PDE7B: variants seen among roughly 807,000 people sequenced by gnomAD.
PDE7B encodes phosphodiesterase 7B, also known as 3',5'-cyclic-AMP phosphodiesterase 7B.
PDE7B carries 29 observed loss-of-function variants against 56.2 expected under a neutral mutation model. The ratio of observed to expected loss-of-function variants is 0.52; its 90% CI spans 0.38 to 0.70. The LOEUF (loss-of-function observed/expected upper bound fraction) is 0.70, where lower values mean the gene tolerates loss of function less well. Among genes scored for constraint, PDE7B ranks in the 30% least tolerant of loss-of-function variants. The pLI is 0.00. For missense variants in PDE7B, 490 were observed against 565.0 expected, an observed-to-expected ratio of 0.87 and a Z score of 1.35; for synonymous variants, 197 against 196.9, an observed-to-expected ratio of 1.00 and a Z score of 0.00.
At chr6:135,998,686 G>A (rs1411769121) in intron 2 of PDE7B, among the ~76,000 whole-genome samples, 4 of 151,962 alleles carry the variant, frequency 2.6e-5, no homozygotes, top group African/African-American at 9.7e-5. Flanking sequence ...AACCCGGGAG[G>A]CAGAGCTTGC....
At chr6:136,070,305 T>A (rs539593142) in intron 2 of PDE7B, 2 of 152,294 alleles carry the variant, frequency 1.3e-5, no homozygotes, top group Non-Finnish European at 2.9e-5. Context: ...GGAAATCCAA[T>A]ATATTTGAAT....
intron 2 of PDE7B, among the ~76,000 whole-genome samples, chr6:136,057,088 G>A (rs1776750274): frequency 6.6e-6 from 1 of 152,186 alleles, no homozygotes; most frequent in Non-Finnish European, 1.5e-5. Flanking sequence ...TGGTGCGATT[G>A]TGAAGGTTAA....
chr6:136,182,100 C>T (rs1779076541), intron 11 of PDE7B, among the ~76,000 whole-genome samples: 1 of 152,056 alleles, frequency 6.6e-6, no homozygotes, highest in Non-Finnish European at 1.5e-5. Flanking sequence ...TTGAAGTGTC[C>T]CACATACCAG....
intron 2 of PDE7B, among the ~76,000 whole-genome samples, chr6:136,074,261 GTTT>G (rs533604565): frequency 6.6e-6 from 1 of 151,174 alleles, no homozygotes; most frequent in Non-Finnish European, 1.5e-5. Context: ...GGGATTTGGG[GTTT>G]TTTTGTTGTT....
intron 1 of PDE7B, among the ~76,000 whole-genome samples, chr6:135,864,003 A>G (rs988406590): frequency 9.2e-5 from 14 of 151,934 alleles, no homozygotes; most frequent in Admixed American, 9.2e-4. Context: ...TTCTTGTTCT[A>G]TATTTCTTTT....
intron 1 of PDE7B, among the ~76,000 whole-genome samples, chr6:135,889,037 A>G (rs1775759887): frequency 6.6e-6 from 1 of 152,162 alleles, no homozygotes. Context: ...ATTCAGTTCT[A>G]AAGTTTGCCT....
intron 3 of PDE7B, among the ~76,000 whole-genome samples, chr6:136,122,587 A>G (rs989901325): frequency 1.3e-5 from 2 of 152,224 alleles, no homozygotes; most frequent in Non-Finnish European, 2.9e-5. Context: ...TTGCCTGGAA[A>G]GCCCAGGATC....
At chr6:135,927,184 G>A (rs1774207656) in intron 1 of PDE7B, among the ~76,000 whole-genome samples, 1 of 151,902 alleles carries the variant, frequency 6.6e-6, no homozygotes, top group African/African-American at 2.4e-5. Flanking sequence ...TGCTCCCTAT[G>A]CTTTGTTTTA....
intron 5 of PDE7B, 151 bp from the exon 6 acceptor site, chr6:136,151,009 A>G: frequency 1.8e-6 from 1 of 564,872 alleles, no homozygotes; most frequent in South Asian, 2.6e-5. Context: ...TCATAGTAAT[A>G]ATATGCTCTA....
intron 2 of PDE7B, chr6:136,049,023 T>C (rs899527019): frequency 6.6e-6 from 1 of 152,226 alleles, no homozygotes; most frequent in African/African-American, 2.4e-5. Context: ...AGAACACAGG[T>C]TGTCGCCATA....
At chr6:136,130,267 T>A (rs1440653667) in intron 3 of PDE7B, among the ~76,000 whole-genome samples, 3 of 152,120 alleles carry the variant, frequency 2.0e-5, no homozygotes, top group African/African-American at 7.2e-5. Context: ...TCAGACTACC[T>A]TTCACTGGTA....
In PDE7B at chr6:135,942,447, A is replaced by C. The variant is rs142868315; in HGVS notation, c.22-5017A>C. ...GTGTACATTGTGGAATGGCTAAATC[A>C]AGCTAATCAACATATGCCTTACCTC... On this transcript the variant is annotated intron_variant, in intron 1 of 12. Coordinates refer to ENST00000308191, the MANE Select transcript of PDE7B (RefSeq NM_018945.4). Among the ~76,000 whole-genome samples the C allele has an allele frequency of 8.3e-3, 1,265 of 152,300 alleles. 8 individuals are homozygous for C. The highest frequency in any genetic ancestry group is 0.011 in the Non-Finnish European group (720 of 68,006).
At chr6:136,146,667 G>C (rs1355874551) in intron 3 of PDE7B, among the ~76,000 whole-genome samples, 1 of 152,082 alleles carries the variant, frequency 6.6e-6, no homozygotes, top group South Asian at 2.1e-4. Flanking sequence ...TAACAGTGTG[G>C]GATGAGAACT....
At chr6:136,143,531 A>G (rs557891158) in intron 3 of PDE7B, among the ~76,000 whole-genome samples, 7 of 152,212 alleles carry the variant, frequency 4.6e-5, no homozygotes, top group East Asian at 1.9e-4. Flanking sequence ...GAGAAACAAT[A>G]TATCAAAAAT....
chr6:135,974,764 T>C (rs1353439263), intron 2 of PDE7B, among the ~76,000 whole-genome samples: 1 of 152,220 alleles, frequency 6.6e-6, no homozygotes, highest in Non-Finnish European at 1.5e-5. Context: ...TACACAATCA[T>C]CATGATCTTG....
At chr6:135,889,970 C>T (rs1775782278) in intron 1 of PDE7B, among the ~76,000 whole-genome samples, 2 of 151,426 alleles carry the variant, frequency 1.3e-5, no homozygotes, top group South Asian at 2.1e-4. Flanking sequence ...TCAGGCTGGT[C>T]TCGAACTCCT....
chr6:135,889,313 A>AT (rs754222594), intron 1 of PDE7B, among the ~76,000 whole-genome samples: 5,049 of 145,656 alleles, frequency 0.035, 126 homozygotes, highest in Non-Finnish European at 0.05. Flanking sequence ...CAGCTGAACA[A>AT]TTTTTTTTTT....
chr6:135,988,371 T>C (rs903161818), intron 2 of PDE7B, among the ~76,000 whole-genome samples: 1 of 152,138 alleles, frequency 6.6e-6, no homozygotes, highest in Admixed American at 6.5e-5. Context: ...AGTAAGCTCT[T>C]TAGCACTGAG....
At chr6:136,065,396 A>C (rs1776916699) in intron 2 of PDE7B, among the ~76,000 whole-genome samples, 1 of 152,178 alleles carries the variant, frequency 6.6e-6, no homozygotes, top group Non-Finnish European at 1.5e-5. Context: ...TGTCTTGCTA[A>C]TTTAAAAAGA....
Sources: allele counts gnomAD v4.1 joint callset (sites outside exome capture counted in the v4.1 genomes callset), GRCh38; gene constraint gnomAD v4.1.1; transcripts MANE v1.5; gene names NCBI Gene and HGNC (gene_info 2026-07-23, HGNC 2026-07-21).